ART3: variants seen among roughly 807,000 people sequenced by gnomAD.
ART3 encodes the protein ADP-ribosyltransferase 3 (inactive), also known as ecto-ADP-ribosyltransferase 3.
In ART3, 49 loss-of-function variants were observed where a neutral mutation model predicts 48.5. That is an observed-to-expected ratio of 1.01 (90% CI 0.80 to 1.28). The LOEUF (loss-of-function observed/expected upper bound fraction) is 1.28, where lower values mean the gene tolerates loss of function less well. Among genes scored for constraint, ART3 ranks in the 50% most tolerant of loss-of-function variants. The pLI, the probability that ART3 is intolerant of heterozygous loss-of-function variation, is 0.00. For missense variants in ART3, 438 were observed against 454.3 expected, an observed-to-expected ratio of 0.96 and a Z score of 0.33; for synonymous variants, 145 against 157.2, an observed-to-expected ratio of 0.92 and a Z score of 0.58.
At chr4:76,099,760 A>C (rs533856239) in intron 5 of ART3, among the ~76,000 whole-genome samples, 30 of 152,376 alleles carry the variant, frequency 2.0e-4, no homozygotes, top group Middle Eastern at 3.4e-3. Context: ...ATATGGCCCA[A>C]ATCATTTCTT....
chr4:76,075,847 T>G (rs1198397017), intron 1 of ART3, 34 bp from the exon 2 acceptor site: 1 of 1,537,718 alleles, frequency 6.5e-7, no homozygotes, highest in African/African-American at 1.4e-5. Context: ...CTTTTTTGAG[T>G]CTACTGAATT....
intron 3 of ART3, among the ~76,000 whole-genome samples, chr4:76,090,009 G>A (rs996515391): frequency 1.3e-5 from 2 of 152,284 alleles, no homozygotes; most frequent in African/African-American, 4.8e-5. Context: ...GAACCTGGGA[G>A]GCAGAGGTTG....
intron 9 of ART3, chr4:76,104,349 G>A: frequency 1.0e-6 from 1 of 985,356 alleles, no homozygotes; most frequent in Non-Finnish European, 1.2e-6. Context: ...GTATCTCCAG[G>A]TAACAAAACA....
At chr4:76,068,915 A>C (rs1420713111) in intron 1 of ART3, among the ~76,000 whole-genome samples, 1 of 152,236 alleles carries the variant, frequency 6.6e-6, no homozygotes, top group African/African-American at 2.4e-5. Context: ...CCTAGGCTCA[A>C]GTGATCCTCC....
At chr4:76,073,046 A>G (rs1166297835), upstream of ART3, among the ~76,000 whole-genome samples, 1 of 152,206 alleles carries the variant, frequency 6.6e-6, no homozygotes, top group Non-Finnish European at 1.5e-5. Context: ...ATTCTAACAT[A>G]CTTGCATAAT....
At chr4:76,111,569 G>A (rs752553935) in intron 11 of ART3, among the ~76,000 whole-genome samples, 6 of 150,990 alleles carry the variant, frequency 4.0e-5, no homozygotes, top group African/African-American at 9.8e-5. Flanking sequence ...TTGAGCTGGA[G>A]TCTTGCTCTA....
intron 1 of ART3, among the ~76,000 whole-genome samples, chr4:76,065,826 T>C (rs534380985): frequency 1.3e-5 from 2 of 152,058 alleles, no homozygotes; most frequent in African/African-American, 4.8e-5. Flanking sequence ...GTAGGGATAA[T>C]ACGCATTATT....
At chr4:76,090,261 A>C (rs1338700305) in intron 3 of ART3, among the ~76,000 whole-genome samples, 1 of 152,154 alleles carries the variant, frequency 6.6e-6, no homozygotes, top group Non-Finnish European at 1.5e-5. Flanking sequence ...GGAGCTTTCG[A>C]GAGTTCGTCC....
chr4:76,076,006 T>TC (rs1266343546), intron 2 of ART3, 48 bp downstream of exon 2: 1 of 1,301,166 alleles, frequency 7.7e-7, no homozygotes, highest in Non-Finnish European at 1.1e-6. Context: ...GGAAATTCGT[T>TC]TTTTTTTTTT....
At chr4:76,110,872 C>T (rs1172488153) in intron 11 of ART3, among the ~76,000 whole-genome samples, 1 of 151,870 alleles carries the variant, frequency 6.6e-6, no homozygotes, top group Non-Finnish European at 1.5e-5. Flanking sequence ...GTCATGAATG[C>T]ATAAAATATA....
intron 1 of ART3, among the ~76,000 whole-genome samples, chr4:76,015,071 CTGAAA>C (rs1448804040): frequency 8.6e-5 from 13 of 152,038 alleles, no homozygotes; most frequent in Non-Finnish European, 1.8e-4. Context: ...GTCCTGCAGG[CTGAAA>C]TGAAAGGATA....
At chr4:76,106,199 C>T in intron 10 of ART3, 1 of 985,438 alleles carries the variant, frequency 1.0e-6, no homozygotes, top group Non-Finnish European at 1.2e-6. Flanking sequence ...TCACTTTGTG[C>T]TACACTTGTC....
chr4:76,052,352 C>T (rs1012081888), intron 1 of ART3, among the ~76,000 whole-genome samples: 6 of 152,104 alleles, frequency 3.9e-5, no homozygotes, highest in Non-Finnish European at 5.9e-5. Context: ...ACATTGCAGT[C>T]GCAAGTGCAT....
chr4:76,073,561 A>G (rs1325969378), upstream of ART3, among the ~76,000 whole-genome samples: 2 of 152,176 alleles, frequency 1.3e-5, no homozygotes, highest in Non-Finnish European at 2.9e-5. Context: ...TCTTGAAGTA[A>G]TATATGTGTG....
At chr4:76,086,998 C>A (rs1380374069) in intron 3 of ART3, among the ~76,000 whole-genome samples, 8 of 152,340 alleles carry the variant, frequency 5.3e-5, no homozygotes, top group Admixed American at 3.3e-4. Flanking sequence ...GCCAAAAACC[C>A]GGCTGCAGCT....
chr4:76,043,297 C>T (rs1045859602), intron 1 of ART3, among the ~76,000 whole-genome samples: 10 of 152,034 alleles, frequency 6.6e-5, no homozygotes, highest in Non-Finnish European at 1.5e-4. Context: ...TGTGCCCACA[C>T]TCCTCAGCCC....
intron 8 of ART3, among the ~76,000 whole-genome samples, chr4:76,103,364 A>G (rs200349964): frequency 6.6e-6 from 1 of 151,006 alleles, no homozygotes; most frequent in East Asian, 1.9e-4. Flanking sequence ...CCTGTCTCTC[A>G]AAAAAGAAAA....
At position 76,019,436 on chromosome 4, in the gene ART3, T is replaced by C. The variant is rs185785699; in HGVS notation, c.-10+8116T>C. 1.5e-3 allele frequency among the ~76,000 whole-genome samples: 223 copies of C among 148,768 alleles called. 1 individual carries two copies. Among genetic ancestry groups the C allele is most frequent in the African/African-American group, 5.2e-3 (211 of 40,342 alleles). On this transcript the variant is annotated intron_variant, in intron 1 of 9. Transcript: ENST00000341029. ...TTTCTTTCTAGGAAGATCAGTGTAC[T>C]GTACACTGAAGCTTGTTAAATAAAA...
intron 3 of ART3, among the ~76,000 whole-genome samples, chr4:76,096,801 C>G (rs1726113441): frequency 6.6e-6 from 1 of 152,174 alleles, no homozygotes; most frequent in African/African-American, 2.4e-5. Flanking sequence ...TGTGGATTTC[C>G]TCATATACAA....
Sources: gnomAD v4.1 joint callset for allele counts (sites outside exome capture counted in the v4.1 genomes callset) on GRCh38, gnomAD v4.1.1 for gene constraint, MANE v1.5 for transcripts, NCBI Gene and HGNC (gene_info 2026-07-23, HGNC 2026-07-21) for gene names.